The following MYO15A variants were observed in gnomAD, a reference collection of about 807,000 sequenced individuals.
MYO15A encodes myosin XVA.
Under a neutral mutation model 394.6 loss-of-function variants are expected in MYO15A, and 308 were observed. That is an observed-to-expected ratio of 0.78 (90% CI 0.71 to 0.86). MYO15A has a LOEUF of 0.86. MYO15A is among the 40% of genes least tolerant of loss of function. MYO15A has a pLI of 0.00. For missense variants in MYO15A, 4,606 were observed against 4,799.1 expected (o/e 0.96, Z 1.19); for synonymous variants, 1,957 against 2,003.8 (o/e 0.98, Z 0.62).
At chr17:18,164,027 T>C in intron 60 of MYO15A, 189 bp downstream of exon 60, 1 of 645,208 alleles carries the variant, frequency 1.5e-6, no homozygotes, top group South Asian at 1.7e-5. Flanking sequence ...CCCTTTCTGC[T>C]TTGCTTAGTT....
chr17:18,140,741 C>G, intron 20 of MYO15A, 46 bp from the exon 21 acceptor site: 2 of 1,614,154 alleles, frequency 1.2e-6, no homozygotes, highest in Non-Finnish European at 1.7e-6. Context: ...GGTTGAGCGC[C>G]TTCTTTTTCT....
intron 19 of MYO15A, 174 bp from the exon 20 acceptor site, chr17:18,140,343 C>T: frequency 1.1e-6 from 1 of 880,914 alleles, no homozygotes; most frequent in East Asian, 2.4e-5. Context: ...TGCTGAGCCC[C>T]ACCTGTTTTG....
Position 18,179,365 on chromosome 17 carries a change from C to CGAAA in MYO15A, c.*495_*496insGAAA. The CGAAA allele has an allele frequency of 5.0e-6, 1 of 201,186 alleles. No individual in the cohort carries two copies. The highest frequency in any genetic ancestry group is 1.0e-5 in the Non-Finnish European group (1 of 95,824). The allele number at this position is 201,186 out of a possible 1,614,324, so 12.5% of individuals were successfully genotyped here. On this transcript the variant is annotated 3_prime_UTR_variant, in exon 66 of 66. Transcript: ENST00000647165. ...CTGGATTTCTGGTCTTTGGTTATTTCTGTGCAAACAAAAGGTGTGCCTGGC... is the reference window on the plus strand; with the variant it reads ...CTGGATTTCTGGTCTTTGGTTATTTCGAAATGTGCAAACAAAAGGTGTGCCTGGC...
intron 4 of MYO15A, 84 bp from the exon 5 acceptor site, chr17:18,126,263 G>A (rs2046036665): frequency 1.7e-6 from 2 of 1,162,650 alleles, no homozygotes; most frequent in Admixed American, 1.8e-5. Flanking sequence ...ATGGAAACAG[G>A]GAGCCAGGCT....
At chr17:18,171,822 G>A (rs1157708774) in intron 63 of MYO15A, 51 bp downstream of exon 63, 2 of 1,584,886 alleles carry the variant, frequency 1.3e-6, no homozygotes, top group African/African-American at 2.7e-5. Context: ...TGCTGAGGAG[G>A]GTGGTCATGG....
chr17:18,157,931 G>GGGGGGGGCCC, intron 51 of MYO15A, 31 bp downstream of exon 51: 1 of 412,718 alleles, frequency 2.4e-6, no homozygotes, highest in Non-Finnish European at 4.5e-6. Context: ...GTGGGGCGGG[G>GGGGGGGGCCC]TAGACCAGGG....
rs912212035 is a variant in MYO15A, at chr17:18,131,403, A to G, written c.4142+61A>G. 3.1e-6 allele frequency: 5 copies of G among 1,612,758 alleles called. No individual in the cohort carries two copies. In the African/African-American group the frequency reaches 6.7e-5, roughly 22 times the overall value. ...TGCAGTGTCTTCCATGTCCTGCCAC[A>G]GCCCCTCGGAGCCAACACCAGCCCT... On this transcript the variant is annotated intron_variant, in intron 9 of 65. Coordinates refer to ENST00000647165, the MANE Select transcript of MYO15A (RefSeq NM_016239.4).
Position 18,119,417 on chromosome 17 carries a change from T to G in MYO15A, c.617T>G (p.Leu206Arg). 1 of 1,612,114 alleles carries G rather than the reference T, an allele frequency of 6.2e-7. No homozygotes were observed. Among genetic ancestry groups the G allele is most frequent in the East Asian group, 2.2e-5 (1 of 44,854 alleles). Residue 206 changes from leucine (L) to arginine (R), a missense_variant, in exon 2 of 66, where the codon CTG becomes CGG. By Grantham distance (102) the Leu-to-Arg change is moderately radical. This residue lies in a region of MYO15A where 1,830 missense variants were observed against 1,689.7 expected (regional missense o/e 1.08). Transcript: ENST00000647165. ...IYASGEPLGF[L>R]PFEDEAPFHH... ...GCGTCAGGCGAGCCCCTGGGCTTCC[T>G]GCCCTTCGAGGACGAGGCCCCATTC...
intron 65 of MYO15A, among the ~76,000 whole-genome samples, chr17:18,175,080 C>A (rs1334769363): frequency 1.5e-5 from 2 of 133,354 alleles, no homozygotes; most frequent in African/African-American, 2.8e-5. Flanking sequence ...TCTCCTACCT[C>A]TTTTTTTTTT....
rs751973078 is a variant in MYO15A at position 18,133,358 on chromosome 17, T to C, written c.4454T>C (p.Leu1485Pro). 6.2e-7 allele frequency: 1 copy of C among 1,614,214 alleles called. No individual in the cohort carries two copies. Among genetic ancestry groups the C allele is most frequent in the Non-Finnish European group, 8.5e-7 (1 of 1,180,050 alleles). Residue 1485 changes from leucine to proline, a missense_variant, in exon 12 of 66, where the codon CTG becomes CCG. This residue lies in a region of MYO15A where 2,776 missense variants were observed against 3,109.3 expected (regional missense o/e 0.89). Transcript: ENST00000647165. ...IFRILASILH[L>P]GNVYFEKYET... Reference sequence around the variant, plus strand: ...CGCATCCTGGCCTCCATCCTGCACCTGGGCAACGTCTACTTTGAGAAGTAT... The same window carrying C: ...CGCATCCTGGCCTCCATCCTGCACCCGGGCAACGTCTACTTTGAGAAGTAT...
Position 18,178,911 on chromosome 17 carries a change from A to C in MYO15A, c.*41A>C. The C allele has an allele frequency of 2.5e-4, 398 of 1,583,176 alleles. No individual in the cohort carries two copies. The highest frequency in any genetic ancestry group is 3.2e-4 in the Non-Finnish European group (370 of 1,157,976). ...TCCAGTACCTTCTGCCAGAAGACTC[A>C]CTGTGTGGCCTCAGAGAAATCACTG... On this transcript the variant is annotated 3_prime_UTR_variant, in exon 66 of 66. Transcript: ENST00000647165.
chr17:18,119,606 C>G lies in MYO15A; in HGVS notation c.806C>G (p.Pro269Arg), dbSNP rs375005419. 1.2e-6 allele frequency: 2 copies of G among 1,603,894 alleles called. No homozygotes were observed. The highest frequency in any genetic ancestry group is 2.2e-5 in the East Asian group (1 of 44,868). ...PYLAGLGPYSPAWPPYGDHYY... is the reference protein window; with the variant it reads ...PYLAGLGPYSRAWPPYGDHYY... ...CTGGCGGGCCTCGGCCCCTACAGCC[C>G]GGCCTGGCCACCCTACGGCGACCAC... is the stretch of plus-strand genomic sequence containing the variant. The change falls in exon 2 of 66, where the codon CCG (proline) becomes CGG (arginine). Residue 269 changes from proline to arginine, a missense_variant. Pro to Arg is a moderately radical substitution (Grantham distance 103). Around this residue, in one of 2 missense-constraint regions of MYO15A, gnomAD observed 1,830 missense variants for 1,689.7 expected, o/e 1.08. Transcript: ENST00000647165.
intron 52 of MYO15A, 139 bp from the exon 53 acceptor site, chr17:18,158,786 G>T: frequency 7.3e-7 from 1 of 1,369,082 alleles, no homozygotes; most frequent in Non-Finnish European, 1.0e-6. Context: ...TTCAGTGCCT[G>T]CCTCTGGGGG....
rs2045943380 is a variant in MYO15A at position 18,121,903 on chromosome 17, C to T, written c.3103C>T (p.Pro1035Ser). 1 of 1,613,144 alleles carries T rather than the reference C, an allele frequency of 6.2e-7. No homozygotes were observed. The highest frequency in any genetic ancestry group is 8.5e-7 in the Non-Finnish European group (1 of 1,179,964). The stretch of plus-strand genomic sequence containing the variant: ...GACCAAGCCTCCAACCCCAGCACCT[C>T]CCAAGGATGTCACTCCCCCCAAGGA... The part of the protein sequence containing the change: ...AETKPPTPAP[P>S]KDVTPPKDIT... The change falls in exon 2 of 66, where the codon CCC (proline) becomes TCC (serine). Residue 1035 changes from proline to serine, a missense_variant. Pro to Ser is a moderately conservative substitution (Grantham distance 74). Transcript: ENST00000647165. The surrounding 1 kb of genome is among the most constrained non-coding windows in gnomAD (Gnocchi z 5.3).
In MYO15A at chr17:18,179,132, G is replaced by A. The variant is rs1213788793; in HGVS notation, c.*262G>A. On this transcript the variant is annotated 3_prime_UTR_variant, in exon 66 of 66. Transcript: ENST00000647165. Reference sequence around the variant, plus strand: ...TGGCCCACTGTGCAGTGGAGCAGAAGGCAGGACCATGAGGCCTCCTGCCAT... The same window carrying A: ...TGGCCCACTGTGCAGTGGAGCAGAAAGCAGGACCATGAGGCCTCCTGCCAT... The A allele has an allele frequency of 3.5e-6, 2 of 563,730 alleles. No homozygotes were observed. Among genetic ancestry groups the A allele is most frequent in the Admixed American group, 6.0e-5 (2 of 33,384 alleles). 34.9% of individuals were successfully genotyped at this position (563,730 alleles called of 1,614,324 possible). A position where few individuals can be genotyped will look rare whatever the true frequency, so the allele number is the denominator to read the frequency against.
chr17:18,125,834 C>A (rs1349111797), intron 4 of MYO15A, among the ~76,000 whole-genome samples: 3 of 151,882 alleles, frequency 2.0e-5, no homozygotes, highest in African/African-American at 7.3e-5. Flanking sequence ...TTCCAGAGTC[C>A]TAGAATCCAT....
At position 18,118,779 on chromosome 17, in the gene MYO15A, C is replaced by T; in HGVS notation, c.-22C>T. 5.6e-6 allele frequency: 9 copies of T among 1,607,768 alleles called. No homozygotes were observed. Among genetic ancestry groups the T allele is most frequent in the Non-Finnish European group, 6.8e-6 (8 of 1,177,574 alleles). On this transcript the variant is annotated 5_prime_UTR_variant, in exon 2 of 66. Transcript: ENST00000647165. ...GAGCCCGTGACACCGGCCCCAGGCCCTGTAGAGAGCAGGCAGCCACCATGG... is the reference window on the plus strand; with the variant it reads ...GAGCCCGTGACACCGGCCCCAGGCCTTGTAGAGAGCAGGCAGCCACCATGG...
chr17:18,170,624 T>C (rs712275), intron 62 of MYO15A, among the ~76,000 whole-genome samples: 44,530 of 151,856 alleles, frequency 0.29, 8,256 homozygotes, highest in Non-Finnish European at 0.42. Context: ...CCTCCCAAAG[T>C]GTTGAGATTA....
chr17:18,151,903 G>C lies in MYO15A; in HGVS notation c.7845G>C (p.Met2615Ile). 1 of 1,575,360 alleles carries C rather than the reference G, an allele frequency of 6.3e-7. No individual in the cohort carries two copies. Among genetic ancestry groups the C allele is most frequent in the Non-Finnish European group, 8.6e-7 (1 of 1,160,372 alleles). The change falls in exon 41 of 66, where the codon ATG becomes ATC. Residue 2615 changes from methionine (M) to isoleucine (I), a missense_variant. Around this residue, in one of 2 missense-constraint regions of MYO15A, gnomAD observed 2,776 missense variants for 3,109.3 expected, o/e 0.89. Coordinates refer to ENST00000647165, the MANE Select transcript of MYO15A (RefSeq NM_016239.4). ...CAGACCCTCATGAGGAGGCCCTGAT[G>C]ATCCTGAAAGGGCAGATGACCCACC... ...KRPDPHEEAL[M>I]ILKGQMTHLA...
Sources: allele counts gnomAD v4.1 joint callset (sites outside exome capture counted in the v4.1 genomes callset), GRCh38; gene constraint gnomAD v4.1.1; regional missense constraint gnomAD v4.1.1; non-coding constraint Gnocchi (gnomAD v3.1); transcripts MANE v1.5; gene names NCBI Gene and HGNC (gene_info 2026-07-23, HGNC 2026-07-21).